PLEKHA7: variants seen among roughly 807,000 people sequenced by gnomAD.
PLEKHA7 encodes pleckstrin homology domain-containing family A member 7.
In PLEKHA7, 104 loss-of-function variants were observed where a neutral mutation model predicts 170.0. The observed-to-expected ratio is 0.61, with a 90% confidence interval of 0.52 to 0.72. PLEKHA7 has a LOEUF of 0.72. PLEKHA7 is among the 30% of genes least tolerant of loss of function. The pLI is 0.00. For synonymous variants in PLEKHA7, 648 were observed against 660.8 expected, an observed-to-expected ratio of 0.98 and a Z score of 0.30; for missense variants, 1,615 against 1,671.7, an observed-to-expected ratio of 0.97 and a Z score of 0.59.
chr11:16,866,029 G>T (rs1255483982), intron 4 of PLEKHA7, among the ~76,000 whole-genome samples: 1 of 151,424 alleles, frequency 6.6e-6, no homozygotes, highest in Non-Finnish European at 1.5e-5. Context: ...AGTAGAGATG[G>T]GGTTTCATTG....
intron 3 of PLEKHA7, among the ~76,000 whole-genome samples, chr11:16,872,246 G>A (rs2135687550): frequency 6.6e-6 from 1 of 152,084 alleles, no homozygotes; most frequent in East Asian, 1.9e-4. Flanking sequence ...TGGGATTACA[G>A]GTGAGCCACC....
chr11:16,778,300 T>C lies in PLEKHA7; in HGVS notation c.*698A>G, dbSNP rs217763. Reference sequence around the variant, plus strand: ...AAAAAAAAAGATAGCAAACTGCTTTTTTCTTTCTGACAAGAGCCTTTTGCT... The same window carrying C: ...AAAAAAAAAGATAGCAAACTGCTTTCTTCTTTCTGACAAGAGCCTTTTGCT... On this transcript the variant is annotated 3_prime_UTR_variant, in exon 27 of 27. Transcript: ENST00000531066. 74,984 of 152,446 alleles carry C rather than the reference T, an allele frequency of 0.49. 18,828 individuals are homozygous for C. The highest frequency in any genetic ancestry group is 0.53 in the Non-Finnish European group (36,107 of 68,300). 9.4% of individuals were successfully genotyped at this position (152,446 alleles called of 1,614,324 possible).
At chr11:16,952,306 C>T (rs369128439) in intron 3 of PLEKHA7, among the ~76,000 whole-genome samples, 1 of 152,138 alleles carries the variant, frequency 6.6e-6, no homozygotes, top group South Asian at 2.1e-4. Flanking sequence ...GGAGGTGATC[C>T]TATCCACTGT....
chr11:16,976,086 A>G (rs556454125), intron 3 of PLEKHA7, among the ~76,000 whole-genome samples: 1 of 152,332 alleles, frequency 6.6e-6, no homozygotes, highest in East Asian at 1.9e-4. Context: ...AATGGATCTG[A>G]GGCTGCAACC....
chr11:16,931,580 A>G (rs1157057480), intron 3 of PLEKHA7, among the ~76,000 whole-genome samples: 8 of 151,850 alleles, frequency 5.3e-5, no homozygotes, highest in African/African-American at 1.9e-4. Flanking sequence ...CAAAACAAAC[A>G]AACACAACAC....
chr11:17,000,177 A>G (rs569136090), intron 3 of PLEKHA7, among the ~76,000 whole-genome samples: 1 of 152,282 alleles, frequency 6.6e-6, no homozygotes, highest in South Asian at 2.1e-4. Flanking sequence ...TCTGTCTCCC[A>G]GGTTCATGCA....
At chr11:16,851,480 G>A (rs189806803) in intron 7 of PLEKHA7, among the ~76,000 whole-genome samples, 189 bp from the exon 8 acceptor site, 97 of 151,876 alleles carry the variant, frequency 6.4e-4, no homozygotes, top group African/African-American at 2.1e-3. Context: ...ACGGAGTTTC[G>A]CTCTTGTTGC....
chr11:16,786,418 C>T (rs979139987), intron 23 of PLEKHA7, 31 bp from the exon 24 acceptor site: 12 of 1,534,736 alleles, frequency 7.8e-6, no homozygotes, highest in East Asian at 2.4e-5. Context: ...TAAACGTAGT[C>T]GCTTCCTGAT....
At chr11:16,996,171 G>A (rs1217703081) in intron 3 of PLEKHA7, among the ~76,000 whole-genome samples, 1 of 152,170 alleles carries the variant, frequency 6.6e-6, no homozygotes, top group Non-Finnish European at 1.5e-5. Flanking sequence ...CTCTGCAAAA[G>A]ACCTAAGGGG....
intron 3 of PLEKHA7, among the ~76,000 whole-genome samples, chr11:16,906,970 G>C (rs1300029313): frequency 2.2e-3 from 331 of 149,266 alleles, no homozygotes; most frequent in Non-Finnish European, 3.6e-3. Flanking sequence ...GTCTCTGCCC[G>C]GCCGCCCTGT....
At position 17,014,041 on chromosome 11, in the gene PLEKHA7, G is replaced by C; in HGVS notation, c.169C>G (p.Pro57Ala). 3.2e-6 allele frequency: 5 copies of C among 1,561,278 alleles called. No homozygotes were observed. The highest frequency in any genetic ancestry group is 4.3e-6 in the Non-Finnish European group (5 of 1,153,606). ...GTGAAGCCCTCCTCCCAGCCGCGGGGCAGGTCTGCGGAAACGCCAGAAAAG... is the reference window on the plus strand; with the variant it reads ...GTGAAGCCCTCCTCCCAGCCGCGGGCCAGGTCTGCGGAAACGCCAGAAAAG... ...NSGHMIRSDL[P>A]RGWEEGFTEE... Residue 57 changes from proline to alanine, a missense_variant, in exon 3 of 27, where the codon CCC (proline) becomes GCC (alanine). Transcript: ENST00000531066.
intron 3 of PLEKHA7, among the ~76,000 whole-genome samples, chr11:16,957,697 C>CTTTTTTTTTTCTTTTTTTTTTTTTT (rs58942054): frequency 5.4e-4 from 47 of 87,286 alleles, no homozygotes; most frequent in African/African-American, 2.3e-3. Context: ...TAATTTTTTT[C>CTTTTTTTTTTCTTTTTTTTTTTTTT]TTTTTTTTTT....
intron 3 of PLEKHA7, among the ~76,000 whole-genome samples, chr11:16,880,984 C>T (rs1295049089): frequency 1.5e-5 from 2 of 134,466 alleles, no homozygotes; most frequent in Non-Finnish European, 3.4e-5. Context: ...CAACTGCAAA[C>T]ACAGAGACAG....
In PLEKHA7 at chr11:16,786,314, T is replaced by C; in HGVS notation, c.3431A>G (p.Glu1144Gly). The change falls in exon 24 of 27, where the codon GAG becomes GGG. Residue 1144 changes from glutamate to glycine, a missense_variant. Physicochemically the swap from Glu to Gly is moderately conservative, Grantham distance 98. Transcript: ENST00000531066. ...GGCCTGCACTTTCAACCAGCCATTC[T>C]CCTCCTTGTCCTTTTTTTCCCCTTG... The part of the protein sequence containing the change: ...VVQGEKKDKE[E>G]NGWLKVQAMP... 1 of 1,536,090 alleles carries C rather than the reference T, an allele frequency of 6.5e-7. No homozygotes were observed. Among genetic ancestry groups the C allele is most frequent in the Admixed American group, 2.0e-5 (1 of 51,002 alleles).
intron 3 of PLEKHA7, among the ~76,000 whole-genome samples, chr11:17,010,741 T>A (rs4757492): frequency 0.63 from 96,572 of 152,150 alleles, 31,296 homozygotes; most frequent in East Asian, 0.96. Flanking sequence ...GTCAATGCTT[T>A]GTCGCTCTCA....
At chr11:16,915,197 T>G (rs1001660220) in intron 3 of PLEKHA7, among the ~76,000 whole-genome samples, 1 of 152,176 alleles carries the variant, frequency 6.6e-6, no homozygotes, top group Non-Finnish European at 1.5e-5. Flanking sequence ...CAGGCAACAT[T>G]GCCCTGAACT....
At chr11:16,803,428 C>A in intron 13 of PLEKHA7, 133 bp from the exon 14 acceptor site, 1 of 893,742 alleles carries the variant, frequency 1.1e-6, no homozygotes, top group Non-Finnish European at 1.7e-6. Context: ...ATGAGAGGGA[C>A]AAAAACTTGG....
chr11:16,836,625 A>C (rs1590277526), intron 9 of PLEKHA7, among the ~76,000 whole-genome samples: 1 of 152,248 alleles, frequency 6.6e-6, no homozygotes, highest in East Asian at 1.9e-4. Context: ...AATTTTAACC[A>C]ACCAAATGTC....
intron 3 of PLEKHA7, among the ~76,000 whole-genome samples, chr11:16,960,330 T>C (rs1304291988): frequency 6.6e-6 from 1 of 152,182 alleles, no homozygotes; most frequent in Non-Finnish European, 1.5e-5. Context: ...GCAGGAGGCA[T>C]GGGCCCCAGA....
Sources: allele counts gnomAD v4.1 joint callset (sites outside exome capture counted in the v4.1 genomes callset), GRCh38; gene constraint gnomAD v4.1.1; transcripts MANE v1.5; gene names NCBI Gene and HGNC (gene_info 2026-07-23, HGNC 2026-07-21).